Variants in PARP9 observed in about 807,000 individuals in gnomAD.
PARP9 encodes poly(ADP-ribose) polymerase family member 9, also known as protein mono-ADP-ribosyltransferase PARP9.
Under a neutral mutation model 68.8 loss-of-function variants are expected in PARP9, and 48 were observed. That is an observed-to-expected ratio of 0.70 (90% confidence interval 0.55 to 0.89). The LOEUF (loss-of-function observed/expected upper bound fraction) is 0.89. PARP9 is among the 40% of genes least tolerant of loss of function. The pLI, the probability that PARP9 is intolerant of heterozygous loss-of-function variation, is 0.00. For missense variants in PARP9, 806 were observed against 969.3 expected, an observed-to-expected ratio of 0.83 and a Z score of 2.24; for synonymous variants, 309 against 333.8, an observed-to-expected ratio of 0.93 and a Z score of 0.81.
intron 6 of PARP9, among the ~76,000 whole-genome samples, chr3:122,549,093 C>T (rs1176359004): frequency 6.6e-6 from 1 of 152,046 alleles, no homozygotes; most frequent in African/African-American, 2.4e-5. Context: ...CAGCTCACTC[C>T]AACCTCCGCC....
In PARP9 at chr3:122,545,415, G is replaced by A; in HGVS notation, c.1384+17C>T. 6.2e-7 allele frequency: 1 copy of A among 1,613,646 alleles called. No homozygotes were observed. The highest frequency in any genetic ancestry group is 8.5e-7 in the Non-Finnish European group (1 of 1,179,556). ...GGTGGGCGACCCTACTTATTGGCCT[G>A]TGAATTTCTTACTCACCACTGTAAT... On this transcript the variant is annotated intron_variant, in intron 7 of 10. Coordinates refer to ENST00000682323, the MANE Select transcript of PARP9 (RefSeq NM_001146105.2).
intron 5 of PARP9, 145 bp downstream of exon 5, chr3:122,552,273 G>A: frequency 1.6e-6 from 1 of 615,418 alleles, no homozygotes; most frequent in Non-Finnish European, 2.8e-6. Flanking sequence ...CAGTATTTCT[G>A]GTACTCGCAG....
Position 122,555,784 on chromosome 3 carries a change from C to T in PARP9, c.387G>A (p.Glu129=). The change falls in exon 4 of 11, where the codon GAG becomes GAA. Residue 129 remains glutamate, a synonymous_variant. Coordinates refer to ENST00000682323, the MANE Select transcript of PARP9 (RefSeq NM_001146105.2). ...CATATCTGGCAACAAACTGTTTGCTCTCTTCTTGGATTTCAAATCCACCAG... is the reference window on the plus strand; with the variant it reads ...CATATCTGGCAACAAACTGTTTGCTTTCTTCTTGGATTTCAAATCCACCAG... ...VKAGGFEIQE[E]SKQFVARYGK... 3 of 1,614,078 alleles carry T rather than the reference C, an allele frequency of 1.9e-6. No homozygotes were observed. The highest frequency in any genetic ancestry group is 2.5e-6 in the Non-Finnish European group (3 of 1,180,026).
chr3:122,550,233 C>T (rs1428204863), intron 6 of PARP9, among the ~76,000 whole-genome samples: 1 of 152,158 alleles, frequency 6.6e-6, no homozygotes, highest in African/African-American at 2.4e-5. Context: ...GCATGTGCCA[C>T]CACGCCCAGC....
intron 8 of PARP9, 75 bp downstream of exon 8, chr3:122,540,397 A>G: frequency 6.5e-7 from 1 of 1,537,914 alleles, no homozygotes; most frequent in Non-Finnish European, 8.8e-7. Context: ...ACCCACATCC[A>G]TACATACACG....
intron 8 of PARP9, among the ~76,000 whole-genome samples, chr3:122,540,119 T>C (rs150734976): frequency 1.3e-5 from 2 of 152,360 alleles, no homozygotes; most frequent in East Asian, 3.9e-4. Flanking sequence ...GTTAATCAGA[T>C]GGAATGTGTC....
At chr3:122,561,314 G>T (rs376707111) in intron 1 of PARP9, among the ~76,000 whole-genome samples, 22 of 152,224 alleles carry the variant, frequency 1.4e-4, no homozygotes, top group African/African-American at 5.1e-4. Context: ...CAAAAAGTTA[G>T]CTGGCCATGT....
At chr3:122,564,744 G>A, upstream of PARP9, 1 of 1,165,750 alleles carries the variant, frequency 8.6e-7, no homozygotes, top group Non-Finnish European at 1.2e-6. Context: ...GGCGGACAGG[G>A]ACGGGGCCCT....
chr3:122,532,435 C>A (rs2107552107), intron 10 of PARP9: 1 of 984,380 alleles, frequency 1.0e-6, no homozygotes, highest in South Asian at 4.7e-5. Context: ...AGAAAAGGGG[C>A]AAACATTGCA....
At chr3:122,546,792 G>A (rs2078730741) in intron 6 of PARP9, among the ~76,000 whole-genome samples, 1 of 151,776 alleles carries the variant, frequency 6.6e-6, no homozygotes, top group African/African-American at 2.4e-5. Context: ...AGGGCAGACA[G>A]ACACCAAGGT....
chr3:122,529,886 C>G (rs1022824421), intron 10 of PARP9, among the ~76,000 whole-genome samples: 3 of 151,494 alleles, frequency 2.0e-5, no homozygotes, highest in Non-Finnish European at 4.4e-5. Flanking sequence ...ACCTCATGAA[C>G]AGCATTACAA....
At chr3:122,545,094 T>C (rs1439024143) in intron 7 of PARP9, among the ~76,000 whole-genome samples, 1 of 152,210 alleles carries the variant, frequency 6.6e-6, no homozygotes, top group Non-Finnish European at 1.5e-5. Flanking sequence ...AGTAACCCTA[T>C]TTAGATGTTC....
intron 10 of PARP9, chr3:122,531,683 G>A (rs2077316137): frequency 6.6e-6 from 1 of 152,058 alleles, no homozygotes; most frequent in Admixed American, 6.5e-5. Context: ...AGAGAGTATG[G>A]TCTTGAAATT....
chr3:122,547,090 A>C, intron 6 of PARP9, among the ~76,000 whole-genome samples: 1 of 124,164 alleles, frequency 8.1e-6, no homozygotes, highest in Non-Finnish European at 1.8e-5. Flanking sequence ...ACACACATAT[A>C]TATATACACG....
chr3:122,558,341 A>AGG (rs1163610860), intron 3 of PARP9, 93 bp downstream of exon 3: 2 of 1,614,096 alleles, frequency 1.2e-6, no homozygotes, highest in Non-Finnish European at 1.7e-6. Context: ...GAGCACTTGT[A>AGG]GGGGAGACAT....
At chr3:122,538,189 G>GTTTTTTAT (rs201136420) in intron 8 of PARP9, among the ~76,000 whole-genome samples, 3,341 of 152,222 alleles carry the variant, frequency 0.022, 124 homozygotes, top group African/African-American at 0.074. Flanking sequence ...TAACTTTGGG[G>GTTTTTTAT]AGCAATAGCT....
chr3:122,533,016 T>G (rs1427896442), intron 10 of PARP9: 1 of 152,194 alleles, frequency 6.6e-6, no homozygotes, highest in African/African-American at 2.4e-5. Flanking sequence ...AATGTAATTT[T>G]TAGCGTGATA....
intron 10 of PARP9, chr3:122,533,569 T>G: frequency 7.5e-4 from 412 of 546,300 alleles, no homozygotes; most frequent in Middle Eastern, 9.3e-4. Context: ...GGTGAACTCG[T>G]GAGATTATAA....
chr3:122,533,554 C>A, intron 10 of PARP9: 2 of 441,544 alleles, frequency 4.5e-6, no homozygotes, highest in Non-Finnish European at 6.0e-6. Context: ...AAAGAATGGG[C>A]AACAGGTGAA....
Sources: gnomAD v4.1 joint callset for allele counts (sites outside exome capture counted in the v4.1 genomes callset) on GRCh38, gnomAD v4.1.1 for gene constraint, MANE v1.5 for transcripts, NCBI Gene and HGNC (gene_info 2026-07-23, HGNC 2026-07-21) for gene names.